Variants in NBEA observed in about 807,000 individuals in gnomAD.
The protein encoded by NBEA is lysosomal-trafficking regulator 2.
Under a neutral mutation model 343.4 loss-of-function variants are expected in NBEA, and 44 were observed. That is an observed-to-expected ratio of 0.13 (90% CI 0.10 to 0.16). The LOEUF is 0.16. Among genes scored for constraint, NBEA ranks in the 10% least tolerant of loss-of-function variants. The probability of loss-of-function intolerance (pLI) is 1.00; values close to 1 mark genes in which losing one functional copy is unlikely to be tolerated. For missense variants in NBEA, 2,555 were observed against 3,631.3 expected (o/e 0.70, Z 7.62); for synonymous variants, 1,175 against 1,238.7 (o/e 0.95, Z 1.08).
chr13:35,568,166 C>T (rs946953667), intron 45 of NBEA, among the ~76,000 whole-genome samples: 1 of 152,116 alleles, frequency 6.6e-6, no homozygotes, highest in African/African-American at 2.4e-5. Flanking sequence ...ATTTCTTAGC[C>T]TCTTTTGAAG....
At chr13:35,475,678 T>A (rs2075833469) in intron 41 of NBEA, 2 of 1,613,772 alleles carry the variant, frequency 1.2e-6, no homozygotes, top group Non-Finnish European at 1.7e-6. Flanking sequence ...TTCGCTGGTG[T>A]CTGCCACCAT....
chr13:35,047,034 CTA>C (rs768952390), intron 4 of NBEA, among the ~76,000 whole-genome samples: 20 of 152,012 alleles, frequency 1.3e-4, no homozygotes, highest in African/African-American at 4.6e-4. Flanking sequence ...GTAAGTTCAT[CTA>C]TTAGATCAAG....
intron 53 of NBEA, among the ~76,000 whole-genome samples, chr13:35,653,610 C>A (rs371642689): frequency 1.3e-5 from 2 of 152,128 alleles, no homozygotes; most frequent in African/African-American, 4.8e-5. Flanking sequence ...GGATTACAGA[C>A]GTGAGCCACC....
chr13:35,545,131 T>A (rs2079007730), intron 41 of NBEA, among the ~76,000 whole-genome samples: 1 of 152,190 alleles, frequency 6.6e-6, no homozygotes, highest in African/African-American at 2.4e-5. Flanking sequence ...AAGGTATAAA[T>A]AAAGAAGACG....
intron 1 of NBEA, among the ~76,000 whole-genome samples, chr13:35,010,742 ATATATATATATATATATATATATAT>A (rs2061465200): frequency 1.2e-5 from 1 of 83,756 alleles, no homozygotes; most frequent in African/African-American, 5.6e-5. Flanking sequence ...AAAAAAAAAA[ATATATATATATATATATATATATAT>A]ATATATATAT....
chr13:35,543,009 G>T (rs1396298966), intron 41 of NBEA, among the ~76,000 whole-genome samples: 5 of 151,958 alleles, frequency 3.3e-5, no homozygotes, highest in Non-Finnish European at 1.5e-5. Flanking sequence ...TGCAAAAAGT[G>T]TATATACTTA....
At chr13:35,522,865 G>A (rs73499814) in intron 41 of NBEA, among the ~76,000 whole-genome samples, 3,023 of 147,624 alleles carry the variant, frequency 0.02, 100 homozygotes, top group African/African-American at 0.069. Context: ...CCCCTGGTCC[G>A]TGAAAGATTG....
intron 1 of NBEA, among the ~76,000 whole-genome samples, chr13:34,947,748 G>A (rs1173923078): frequency 6.6e-6 from 1 of 152,134 alleles, no homozygotes; most frequent in Non-Finnish European, 1.5e-5. Context: ...ACTGTATTAG[G>A]CAGTAATGAT....
chr13:35,164,484 T>C lies in NBEA; in HGVS notation c.4208T>C (p.Leu1403Ser). The change falls in exon 24 of 59, where the codon TTG (leucine) becomes TCG (serine). Residue 1403 changes from leucine to serine, a missense_variant. Leu to Ser is a moderately radical substitution (Grantham distance 145, BLOSUM62 -2). Coordinates refer to ENST00000379939, the MANE Select transcript of NBEA (RefSeq NM_001385012.1). ...IIIACGGILP[L>S]LSAATSPTGS... ...ATTGCTTGTGGAGGAATTTTACCTTTGCTCTCTGCTGCTACATCACCAACT... is the reference window on the plus strand; with the variant it reads ...ATTGCTTGTGGAGGAATTTTACCTTCGCTCTCTGCTGCTACATCACCAACT... 6.2e-7 allele frequency: 1 copy of C among 1,610,730 alleles called. No homozygotes were observed. The highest frequency in any genetic ancestry group is 8.5e-7 in the Non-Finnish European group (1 of 1,178,260).
chr13:35,476,075 C>A (rs1384950799), intron 41 of NBEA: 6 of 1,614,190 alleles, frequency 3.7e-6, no homozygotes. Flanking sequence ...GCTTTCCTGG[C>A]TTGGCATTTT....
At chr13:35,635,153 A>G (rs1202081269) in intron 49 of NBEA, among the ~76,000 whole-genome samples, 1 of 152,178 alleles carries the variant, frequency 6.6e-6, no homozygotes, top group African/African-American at 2.4e-5. Context: ...GACCTCTACA[A>G]TCATTGTCTT....
intron 10 of NBEA, among the ~76,000 whole-genome samples, chr13:35,081,043 A>C (rs1566253054): frequency 6.6e-6 from 1 of 152,158 alleles, no homozygotes; most frequent in Non-Finnish European, 1.5e-5. Context: ...CCTTAACACA[A>C]TGACTTTATG....
chr13:35,105,489 A>T (rs964520903), intron 11 of NBEA, among the ~76,000 whole-genome samples: 1 of 152,030 alleles, frequency 6.6e-6, no homozygotes, highest in Non-Finnish European at 1.5e-5. Flanking sequence ...TGAGGTCACA[A>T]GGCTGCCAGA....
chr13:35,655,697 G>C lies in NBEA; in HGVS notation c.8310G>C (p.Leu2770=). The C allele has an allele frequency of 6.2e-7, 1 of 1,613,936 alleles. No individual in the cohort carries two copies. ...IVSGSRDATL[L]LWYWSGRHHI... ...CCGGATCTCGAGATGCCACCCTGCT[G>C]CTCTGGTACTGGAGTGGGCGGCACC... The change falls in exon 55 of 59, where the codon CTG becomes CTC. Residue 2770 remains leucine, a synonymous_variant. Coordinates refer to ENST00000379939, the MANE Select transcript of NBEA (RefSeq NM_001385012.1).
In NBEA at chr13:35,456,703, G is replaced by A. The variant is rs73169766; in HGVS notation, c.6448+4468G>A. 5.1e-3 allele frequency among the ~76,000 whole-genome samples: 769 copies of A among 151,874 alleles called. 5 individuals are homozygous for A. Among genetic ancestry groups the A allele is most frequent in the Non-Finnish European group, 7.3e-3 (496 of 67,868 alleles). ...AAGGATTTAATTAAATTGAAAAAAT[G>A]GCATCCCACCAATGAAACGTATTTC... On this transcript the variant is annotated intron_variant, in intron 40 of 58. Coordinates refer to ENST00000379939, the MANE Select transcript of NBEA (RefSeq NM_001385012.1).
chr13:35,182,940 T>G (rs1325825592), intron 29 of NBEA, among the ~76,000 whole-genome samples: 1 of 151,914 alleles, frequency 6.6e-6, no homozygotes, highest in Non-Finnish European at 1.5e-5. Context: ...AAAGTTGGAT[T>G]TTTTTCTTTT....
intron 35 of NBEA, among the ~76,000 whole-genome samples, chr13:35,292,703 A>C (rs1298526464): frequency 6.6e-6 from 1 of 152,066 alleles, no homozygotes; most frequent in Non-Finnish European, 1.5e-5. Flanking sequence ...GAGTAACTTT[A>C]AGTTACTATC....
At chr13:35,611,904 T>C (rs1432436199) in intron 48 of NBEA, among the ~76,000 whole-genome samples, 1 of 152,204 alleles carries the variant, frequency 6.6e-6, no homozygotes, top group Non-Finnish European at 1.5e-5. Flanking sequence ...ACATACATTT[T>C]TATTTATTTG....
intron 55 of NBEA, among the ~76,000 whole-genome samples, 157 bp from the exon 56 acceptor site, chr13:35,664,928 G>C (rs2085278530): frequency 6.6e-6 from 1 of 152,252 alleles, no homozygotes; most frequent in South Asian, 2.1e-4. Context: ...TTTCACAAAA[G>C]AGGAGAGCAG....
Sources: gnomAD v4.1 joint callset for allele counts (sites outside exome capture counted in the v4.1 genomes callset) on GRCh38, gnomAD v4.1.1 for gene constraint, MANE v1.5 for transcripts, NCBI Gene and HGNC (gene_info 2026-07-23, HGNC 2026-07-21) for gene names.